The following ZNF233 variants were observed in gnomAD, a reference collection of about 807,000 sequenced individuals.
ZNF233 encodes the protein zinc finger protein 233.
ZNF233 carries 7 observed loss-of-function variants against 11.6 expected under a neutral mutation model. The ratio of observed to expected loss-of-function variants is 0.60; its 90% CI spans 0.34 to 1.13. ZNF233 has a LOEUF of 1.13. Ranked by LOEUF, ZNF233 falls within the 50% of genes most tolerant of loss-of-function variation. ZNF233 has a pLI of 0.03. For missense variants in ZNF233, 711 were observed against 785.5 expected (o/e 0.91, Z 1.13); for synonymous variants, 226 against 268.5 (o/e 0.84, Z 1.55).
intron 4 of ZNF233, among the ~76,000 whole-genome samples, chr19:44,269,985 G>A (rs1599876586): frequency 6.6e-6 from 1 of 151,992 alleles, no homozygotes; most frequent in African/African-American, 2.4e-5. Context: ...CAAATTAAAG[G>A]GCATCTTCTC....
At chr19:44,268,902 AC>A (rs1435515438) in intron 4 of ZNF233, among the ~76,000 whole-genome samples, 3 of 152,206 alleles carry the variant, frequency 2.0e-5, no homozygotes, top group African/African-American at 7.2e-5. Context: ...TGATAGAAGC[AC>A]CAAAACGCAA....
intron 1 of ZNF233, among the ~76,000 whole-genome samples, chr19:44,260,752 T>C (rs954972380): frequency 6.6e-5 from 10 of 152,190 alleles, no homozygotes; most frequent in African/African-American, 2.4e-4. Context: ...GTGAGAGGAC[T>C]TAATATATGC....
intron 4 of ZNF233, among the ~76,000 whole-genome samples, 179 bp from the exon 5 acceptor site, chr19:44,272,720 G>A (rs1248720597): frequency 6.6e-6 from 1 of 152,086 alleles, no homozygotes; most frequent in Non-Finnish European, 1.5e-5. Flanking sequence ...GGGTGACAGA[G>A]CGAGACTCCG....
chr19:44,261,762 G>A (rs759233447), intron 1 of ZNF233, among the ~76,000 whole-genome samples: 46 of 147,286 alleles, frequency 3.1e-4, no homozygotes, highest in Admixed American at 2.4e-3. Flanking sequence ...AGTGATTCTC[G>A]TGCCTCAGCC....
At position 44,272,751 on chromosome 19, in the gene ZNF233, G is replaced by GA. The variant is rs200415863; in HGVS notation, c.239-139dup. The GA allele has an allele frequency of 9.8e-3, 5,666 of 575,622 alleles. 32 individuals are homozygous for GA. The highest frequency in any genetic ancestry group is 0.038 in the African/African-American group (1,951 of 51,372). 35.7% of individuals were successfully genotyped at this position (575,622 alleles called of 1,614,324 possible). On this transcript the variant is annotated intron_variant, in intron 4 of 4. Transcript: ENST00000683810. ...CTCCGTCTCAAAAAACAAAAAAAGA[G>GA]AAAAAAAAACAATGATAAAGTCAAG... is the stretch of plus-strand genomic sequence containing the variant.
Position 44,273,367 on chromosome 19 carries a change from A to G in ZNF233, c.707A>G (p.His236Arg). ...CACAAAAGAGAGAAAGCTTTTAGCC[A>G]CAATAATTGTGGAAAAGACTGTGTG... ...GVHKREKAFS[H>R]NNCGKDCVKE... The change falls in exon 5 of 5, where the codon CAC becomes CGC. Residue 236 changes from histidine (H) to arginine (R), a missense_variant. Physicochemically the swap from His to Arg is conservative, Grantham distance 29 (BLOSUM62 0). Transcript: ENST00000683810. 2 of 1,614,226 alleles carry G rather than the reference A, an allele frequency of 1.2e-6. No individual in the cohort carries two copies. The highest frequency in any genetic ancestry group is 1.7e-6 in the Non-Finnish European group (2 of 1,180,024).
At chr19:44,260,508 T>TG (rs1197630672) in intron 1 of ZNF233, among the ~76,000 whole-genome samples, 1 of 152,106 alleles carries the variant, frequency 6.6e-6, no homozygotes, top group East Asian at 1.9e-4. Flanking sequence ...ATTCCTAACG[T>TG]GGGGGGACGG....
chr19:44,263,773 ACT>A (rs1974995575), intron 1 of ZNF233, among the ~76,000 whole-genome samples: 1 of 152,156 alleles, frequency 6.6e-6, no homozygotes, highest in South Asian at 2.1e-4. Context: ...GTTATAAAAG[ACT>A]CTCTTATTGG....
rs74903007 is a variant in ZNF233 at position 44,270,777 on chromosome 19, C to T, written c.239-2122C>T. On this transcript the variant is annotated intron_variant, in intron 4 of 4. Transcript: ENST00000683810. ...TCCTTGCTAAGTGAACCATTCCCTA[C>T]GGCTGCTGAAGTGTCCTCAAAACAT... is the stretch of plus-strand genomic sequence containing the variant. Among the ~76,000 whole-genome samples the T allele has an allele frequency of 8.4e-3, 1,282 of 152,310 alleles. 17 individuals are homozygous for T. Among genetic ancestry groups the T allele is most frequent in the African/African-American group, 0.03 (1,226 of 41,554 alleles).
rs747406986 is a variant in ZNF233 at position 44,273,840 on chromosome 19, GGA to G, written c.1188_1189del (p.Arg396SerfsTer3). The G allele has an allele frequency of 6.2e-7, 1 of 1,614,162 alleles. No homozygotes were observed. Among genetic ancestry groups the G allele is most frequent in the South Asian group, 1.1e-5 (1 of 91,086 alleles). Reference protein sequence around the residue: ...DFDIHCVDSAGERACKCDVYD... With the variant: ...DFDIHCVDSAXERACKCDVYD... ...TGACATTCACTGTGTAGACAGTGCT[GGA>G]GAGAGAGCCTGTAAATGTGATGTAT... On this transcript the variant is annotated frameshift_variant, in exon 5 of 5. Transcript: ENST00000683810. LOFTEE classifies it low-confidence loss of function (END_TRUNC).
In ZNF233 at chr19:44,274,157, G is replaced by A; in HGVS notation, c.1497G>A (p.Gln499=). ...FSRNSHLQAH[Q]RVHTGEKPYK... is the part of the protein sequence containing the mutation. ...GTAATTCCCACCTTCAGGCCCATCA[G>A]AGAGTCCATACAGGAGAGAAACCCT... The change falls in exon 5 of 5, where the codon CAG becomes CAA. Residue 499 remains glutamine (Q), a synonymous_variant. Transcript: ENST00000683810. 1 of 1,614,074 alleles carries A rather than the reference G, an allele frequency of 6.2e-7. No homozygotes were observed. Among genetic ancestry groups the A allele is most frequent in the Non-Finnish European group, 8.5e-7 (1 of 1,180,002 alleles).
Position 44,272,917 on chromosome 19 carries a change from A to C in ZNF233, c.257A>C (p.Glu86Ala). Reference sequence around the variant, plus strand: ...ATTCTAGGACACAAGAATCAAAATGAGATAGATACCCTTCAAGAAGTAAGA... The same window carrying C: ...ATTCTAGGACACAAGAATCAAAATGCGATAGATACCCTTCAAGAAGTAAGA... ...DGCSGHKNQNEIDTLQEVRLR... is the reference protein window; with the variant it reads ...DGCSGHKNQNAIDTLQEVRLR... The change falls in exon 5 of 5, where the codon GAG (glutamate) becomes GCG (alanine). Residue 86 changes from glutamate (E) to alanine (A), a missense_variant. By Grantham distance (107) the Glu-to-Ala change is moderately radical. Transcript: ENST00000683810. 1 of 1,578,262 alleles carries C rather than the reference A, an allele frequency of 6.3e-7. No individual in the cohort carries two copies. The highest frequency in any genetic ancestry group is 1.2e-5 in the South Asian group (1 of 85,574).
chr19:44,263,373 T>C (rs1974987103), intron 1 of ZNF233, among the ~76,000 whole-genome samples: 1 of 152,204 alleles, frequency 6.6e-6, no homozygotes, highest in Non-Finnish European at 1.5e-5. Flanking sequence ...GTCTCTATGG[T>C]TTAGCCTAGC....
chr19:44,275,199 A>C lies in ZNF233; in HGVS notation c.*526A>C. The C allele has an allele frequency of 3.0e-6, 1 of 336,518 alleles. No individual in the cohort carries two copies. The allele number at this position is 336,518 out of a possible 1,614,324, so 20.8% of individuals were successfully genotyped here. A position where few individuals can be genotyped will look rare whatever the true frequency, so the allele number is the denominator to read the frequency against. On this transcript the variant is annotated 3_prime_UTR_variant, in exon 5 of 5. Coordinates refer to ENST00000683810, the MANE Select transcript of ZNF233 (RefSeq NM_001207005.2). ...CTATCATATATAGGACATATATTTG[A>C]ATATTTTAGTGAGCTCAGCCCCAAT...
At chr19:44,272,813 T>C in intron 4 of ZNF233, 86 bp from the exon 5 acceptor site, 1 of 927,600 alleles carries the variant, frequency 1.1e-6, no homozygotes, top group Non-Finnish European at 1.6e-6. Context: ...TTTCCCAATG[T>C]GGTCAACCTG....
At chr19:44,263,574 G>A (rs924813313) in intron 1 of ZNF233, among the ~76,000 whole-genome samples, 3 of 152,134 alleles carry the variant, frequency 2.0e-5, no homozygotes, top group African/African-American at 7.2e-5. Flanking sequence ...ATACACCATT[G>A]AGACTCTCCT....
intron 2 of ZNF233, among the ~76,000 whole-genome samples, chr19:44,265,671 C>T (rs1485502931): frequency 2.0e-5 from 3 of 152,132 alleles, no homozygotes; most frequent in Non-Finnish European, 1.5e-5. Context: ...TCACCCACCT[C>T]GGCCTCCCAA....
At position 44,273,203 on chromosome 19, in the gene ZNF233, T is replaced by A; in HGVS notation, c.543T>A (p.Asp181Glu). Reference protein sequence around the residue: ...NQELPLRTTWDFWRKMYLREP... With the variant: ...NQELPLRTTWEFWRKMYLREP... ...AGCTTCCATTGAGGACCACCTGGGA[T>A]TTCTGGAGGAAAATGTATCTGAGAG... The change falls in exon 5 of 5, where the codon GAT (aspartate) becomes GAA (glutamate). Residue 181 changes from aspartate (D) to glutamate (E), a missense_variant. By Grantham distance (45) the Asp-to-Glu change is conservative. Coordinates refer to ENST00000683810, the MANE Select transcript of ZNF233 (RefSeq NM_001207005.2). The A allele has an allele frequency of 6.2e-7, 1 of 1,613,788 alleles. No individual in the cohort carries two copies. The highest frequency in any genetic ancestry group is 8.5e-7 in the Non-Finnish European group (1 of 1,180,034).
At chr19:44,260,871 A>G (rs1277260565) in intron 1 of ZNF233, among the ~76,000 whole-genome samples, 1 of 152,208 alleles carries the variant, frequency 6.6e-6, no homozygotes, top group Admixed American at 6.5e-5. Flanking sequence ...GAGAGGTTGG[A>G]TTAGGCATGT....
Sources: gnomAD v4.1 joint callset for allele counts (sites outside exome capture counted in the v4.1 genomes callset) on GRCh38, gnomAD v4.1.1 for gene constraint, MANE v1.5 for transcripts, NCBI Gene and HGNC (gene_info 2026-07-23, HGNC 2026-07-21) for gene names.